Variants in RBL2 observed in about 807,000 individuals in gnomAD.
RBL2 encodes the protein RB transcriptional corepressor like 2, also known as retinoblastoma-like protein 2.
A neutral mutation model predicts 126.0 loss-of-function variants in RBL2; 56 were observed. The observed-to-expected ratio is 0.44, with a 90% confidence interval of 0.36 to 0.56. The LOEUF (loss-of-function observed/expected upper bound fraction) is 0.56, where lower values mean the gene tolerates loss of function less well. Among genes scored for constraint, RBL2 ranks in the 20% least tolerant of loss-of-function variants. The probability of loss-of-function intolerance (pLI) is 0.00; values close to 1 mark genes in which losing one functional copy is unlikely to be tolerated. For missense variants in RBL2, 1,229 were observed against 1,398.2 expected (o/e 0.88, Z 1.93); for synonymous variants, 454 against 478.5 (o/e 0.95, Z 0.67).
intron 8 of RBL2, among the ~76,000 whole-genome samples, chr16:53,457,859 C>G (rs1337943317): frequency 1.3e-5 from 2 of 152,176 alleles, no homozygotes; most frequent in African/African-American, 4.8e-5. Flanking sequence ...CTAGTTTCCT[C>G]TGTGAAACTA....
Position 53,459,545 on chromosome 16 carries a change from G to A in RBL2, c.1274G>A (p.Ser425Asn). Residue 425 changes from serine to asparagine, a missense_variant, in exon 9 of 22, where the codon AGC becomes AAC. By Grantham distance (46) the Ser-to-Asn change is conservative. Transcript: ENST00000262133. ...CVTPVSTATH[S>N]LSRLHTMLTG... ...ACTCCAGTTTCTACAGCTACGCATA[G>A]CTTGAGTCGTCTTCACACCATGCTG... 1 of 1,609,644 alleles carries A rather than the reference G, an allele frequency of 6.2e-7. No individual in the cohort carries two copies. The highest frequency in any genetic ancestry group is 1.1e-5 in the South Asian group (1 of 90,236).
chr16:53,465,541 C>G lies in RBL2; in HGVS notation c.1802C>G (p.Pro601Arg), dbSNP rs754740684. 1.9e-6 allele frequency: 3 copies of G among 1,605,218 alleles called. No homozygotes were observed. Among genetic ancestry groups the G allele is most frequent in the South Asian group, 2.2e-5 (2 of 89,322 alleles). The change falls in exon 13 of 22, where the codon CCA (proline) becomes CGA (arginine). Residue 601 changes from proline to arginine, a missense_variant. Physicochemically the swap from Pro to Arg is moderately radical, Grantham distance 103. Coordinates refer to ENST00000262133, the MANE Select transcript of RBL2 (RefSeq NM_005611.4). ...EQILDHLAWK[P>R]ESPLWEKIRD... ...ATCTTAGATCATTTGGCATGGAAAC[C>G]AGAGTCTCCACTCTGGGAAAAAATT... is the stretch of plus-strand genomic sequence containing the variant.
chr16:53,436,137 G>C (rs2057956550), intron 1 of RBL2, among the ~76,000 whole-genome samples: 1 of 152,158 alleles, frequency 6.6e-6, no homozygotes, highest in African/African-American at 2.4e-5. Context: ...CTGGCAAAGA[G>C]AAGGACTGGT....
intron 8 of RBL2, among the ~76,000 whole-genome samples, chr16:53,455,594 A>T (rs2058159513): frequency 6.6e-6 from 1 of 152,172 alleles, no homozygotes; most frequent in African/African-American, 2.4e-5. Context: ...AAGTAAATAT[A>T]TAGTATGTTG....
At chr16:53,467,282 C>A in intron 14 of RBL2, 113 bp downstream of exon 14, 1 of 810,362 alleles carries the variant, frequency 1.2e-6, no homozygotes, top group Non-Finnish European at 2.0e-6. Flanking sequence ...ATATTCTATG[C>A]ATTTTTGTAC....
At chr16:53,435,510 T>C in intron 1 of RBL2, 2 of 1,132,642 alleles carry the variant, frequency 1.8e-6, no homozygotes, top group Non-Finnish European at 2.2e-6. Context: ...GTCGCAGCCT[T>C]CGGACAGGGC....
At chr16:53,453,123 A>C (rs2058131345) in intron 5 of RBL2, among the ~76,000 whole-genome samples, 1 of 152,126 alleles carries the variant, frequency 6.6e-6, no homozygotes, top group Non-Finnish European at 1.5e-5. Flanking sequence ...TTTTGTTTAA[A>C]AGTAGACTTA....
intron 17 of RBL2, among the ~76,000 whole-genome samples, chr16:53,475,056 T>A (rs1289069371): frequency 6.6e-6 from 1 of 152,250 alleles, no homozygotes; most frequent in Non-Finnish European, 1.5e-5. Flanking sequence ...ATTCAGATCA[T>A]CTGTTTCTTC....
intron 17 of RBL2, among the ~76,000 whole-genome samples, chr16:53,474,981 A>C (rs948501141): frequency 4.6e-5 from 7 of 152,194 alleles, no homozygotes; most frequent in African/African-American, 1.4e-4. Context: ...AGCTGTTGAG[A>C]CCAGAGATTT....
chr16:53,469,032 C>T (rs1447451208), intron 14 of RBL2, among the ~76,000 whole-genome samples: 1 of 152,168 alleles, frequency 6.6e-6, no homozygotes, highest in Non-Finnish European at 1.5e-5. Context: ...GAGTTCGAGA[C>T]CAGCCTGGCC....
chr16:53,445,454 G>T (rs1220421410), intron 3 of RBL2, among the ~76,000 whole-genome samples: 1 of 151,742 alleles, frequency 6.6e-6, no homozygotes, highest in Non-Finnish European at 1.5e-5. Context: ...CATTTACTTT[G>T]GGGCAGGGAC....
intron 19 of RBL2, 36 bp from the exon 20 acceptor site, chr16:53,480,531 C>G (rs750474079): frequency 2.4e-5 from 38 of 1,574,492 alleles, no homozygotes; most frequent in Non-Finnish European, 3.0e-5. Context: ...ATATTAGCAG[C>G]CTTTGTACTG....
intron 1 of RBL2, among the ~76,000 whole-genome samples, chr16:53,437,888 G>A (rs2057974007): frequency 1.3e-5 from 2 of 151,950 alleles, no homozygotes; most frequent in Admixed American, 6.6e-5. Context: ...TTAGCTGAGC[G>A]TGGTGGTGGG....
chr16:53,435,528 T>G, intron 1 of RBL2: 6 of 1,176,400 alleles, frequency 5.1e-6, no homozygotes, highest in Non-Finnish European at 6.5e-6. Flanking sequence ...GGCTTGCAGA[T>G]GAGAAAAATG....
Position 53,453,518 on chromosome 16 carries a change from A to G in RBL2, c.833A>G (p.Lys278Arg). 1 of 1,613,158 alleles carries G rather than the reference A, an allele frequency of 6.2e-7. No individual in the cohort carries two copies. The highest frequency in any genetic ancestry group is 8.5e-7 in the Non-Finnish European group (1 of 1,179,252). The change falls in exon 6 of 22, where the codon AAA (lysine) becomes AGA (arginine). Residue 278 changes from lysine to arginine, a missense_variant. By Grantham distance (26) the Lys-to-Arg change is conservative. Coordinates refer to ENST00000262133, the MANE Select transcript of RBL2 (RefSeq NM_005611.4). ...PSSDPPCIIE[K>R]LCSLHDGLVL... is the part of the protein sequence containing the mutation. ...TCTGACCCCCCTTGTATCATTGAGA[A>G]ACTGTGTTCCTTACATGATGGCCTA... is the stretch of plus-strand genomic sequence containing the variant.
chr16:53,446,200 C>T (rs4784311), intron 3 of RBL2, among the ~76,000 whole-genome samples: 25,090 of 152,064 alleles, frequency 0.16, 2,087 homozygotes, highest in South Asian at 0.27. Context: ...GTTTATCATG[C>T]GCCTATGGTA....
intron 13 of RBL2, chr16:53,465,836 C>G (rs950547652): frequency 6.1e-6 from 2 of 325,940 alleles, no homozygotes; most frequent in Non-Finnish European, 1.1e-5. Flanking sequence ...TTTATTAAGA[C>G]TTACATATGG....
intron 9 of RBL2, 109 bp downstream of exon 9, chr16:53,459,726 A>G (rs1047615007): frequency 9.2e-6 from 10 of 1,083,360 alleles, no homozygotes; most frequent in Admixed American, 3.2e-5. Flanking sequence ...TTTTTTATCA[A>G]TTGTATACTC....
intron 3 of RBL2, 54 bp downstream of exon 3, chr16:53,442,912 T>A: frequency 1.6e-6 from 2 of 1,263,990 alleles, no homozygotes; most frequent in Non-Finnish European, 2.2e-6. Context: ...GCTGCAGTGT[T>A]GATATTCTGC....
Sources: gnomAD v4.1 joint callset for allele counts (sites outside exome capture counted in the v4.1 genomes callset) on GRCh38, gnomAD v4.1.1 for gene constraint, MANE v1.5 for transcripts, NCBI Gene and HGNC (gene_info 2026-07-23, HGNC 2026-07-21) for gene names.